Variants in NCLN observed in about 807,000 individuals in gnomAD.
NCLN encodes nicalin.
A neutral mutation model predicts 69.5 loss-of-function variants in NCLN; 34 were observed. The observed-to-expected ratio is 0.49, with a 90% CI of 0.37 to 0.65. The LOEUF (loss-of-function observed/expected upper bound fraction) is 0.65, where lower values mean the gene tolerates loss of function less well. NCLN is among the 30% of genes least tolerant of loss of function. NCLN has a pLI of 0.00. For synonymous variants in NCLN, 393 were observed against 358.3 expected (o/e 1.10, Z -1.09); for missense variants, 710 against 804.8 (o/e 0.88, Z 1.42).
chr19:3,187,110 A>C (rs1445445115), intron 1 of NCLN, among the ~76,000 whole-genome samples: 1 of 151,490 alleles, frequency 6.6e-6, no homozygotes, highest in Non-Finnish European at 1.5e-5. Flanking sequence ...ACTTCCCAGA[A>C]CCCCACTTGT....
At chr19:3,203,892 G>T in intron 7 of NCLN, 48 bp downstream of exon 7, 1 of 1,595,110 alleles carries the variant, frequency 6.3e-7, no homozygotes, top group Non-Finnish European at 8.5e-7. Context: ...GTGGTGCCGT[G>T]GGGAGGCACG....
chr19:3,189,688 G>A (rs760249647), intron 1 of NCLN, among the ~76,000 whole-genome samples: 3 of 152,230 alleles, frequency 2.0e-5, no homozygotes, highest in Non-Finnish European at 2.9e-5. Flanking sequence ...TTTCGCCTCC[G>A]CAGAGGGCCG....
chr19:3,190,796 T>C (rs992445988), intron 1 of NCLN, among the ~76,000 whole-genome samples: 9 of 152,216 alleles, frequency 5.9e-5, no homozygotes, highest in Non-Finnish European at 8.8e-5. Flanking sequence ...TTGCGGGCTT[T>C]GCGTGGCATT....
chr19:3,198,272 C>T (rs900290858), intron 4 of NCLN, among the ~76,000 whole-genome samples: 54 of 152,070 alleles, frequency 3.6e-4, no homozygotes, highest in African/African-American at 1.2e-3. Context: ...TTTGGGAGGC[C>T]GAGGTGGGCG....
intron 1 of NCLN, among the ~76,000 whole-genome samples, chr19:3,189,373 C>G (rs1342707894): frequency 6.6e-6 from 1 of 152,262 alleles, no homozygotes; most frequent in Non-Finnish European, 1.5e-5. Flanking sequence ...ACGTCTGGCT[C>G]TCTGCCTGTT....
chr19:3,191,048 C>G (rs935972944), intron 1 of NCLN, among the ~76,000 whole-genome samples: 1 of 145,292 alleles, frequency 6.9e-6, no homozygotes, highest in Non-Finnish European at 1.5e-5. Context: ...GCGTGGCGGG[C>G]AGCAGGGAGA....
chr19:3,196,192 G>T lies in NCLN; in HGVS notation c.530G>T (p.Arg177Leu). The change falls in exon 4 of 15, where the codon CGC becomes CTC. Residue 177 changes from arginine to leucine, a missense_variant. Physicochemically the swap from Arg to Leu is moderately radical, Grantham distance 102 (BLOSUM62 -2). Coordinates refer to ENST00000246117, the MANE Select transcript of NCLN (RefSeq NM_020170.4). ...GSASAAEVLL[R>L]TATANGFQMV... ...CTCTCCCTCTCCCTAGTACTGCTGCGCACGGCCACTGCCAACGGCTTCCAG... is the reference window on the plus strand; with the variant it reads ...CTCTCCCTCTCCCTAGTACTGCTGCTCACGGCCACTGCCAACGGCTTCCAG... The T allele has an allele frequency of 6.4e-7, 1 of 1,552,318 alleles. No homozygotes were observed. Among genetic ancestry groups the T allele is most frequent in the Non-Finnish European group, 8.7e-7 (1 of 1,147,328 alleles).
At chr19:3,186,824 C>G (rs1029751532) in intron 1 of NCLN, among the ~76,000 whole-genome samples, 1 of 152,098 alleles carries the variant, frequency 6.6e-6, no homozygotes, top group Non-Finnish European at 1.5e-5. Context: ...TCCCACGGCC[C>G]TGGGTGCCAA....
chr19:3,201,443 T>C (rs893628550), intron 5 of NCLN, 80 bp from the exon 6 acceptor site: 2 of 974,596 alleles, frequency 2.1e-6, no homozygotes, highest in Admixed American at 2.1e-5. Context: ...GAGAGATGAC[T>C]GTGGCTGCTG....
At chr19:3,202,256 T>C (rs928936823) in intron 6 of NCLN, among the ~76,000 whole-genome samples, 3 of 152,294 alleles carry the variant, frequency 2.0e-5, no homozygotes, top group East Asian at 1.9e-4. Context: ...GGGGTCCCCC[T>C]GGTTTATCCC....
At chr19:3,186,376 C>T (rs1025774999) in intron 1 of NCLN, among the ~76,000 whole-genome samples, 162 bp downstream of exon 1, 1 of 152,110 alleles carries the variant, frequency 6.6e-6, no homozygotes, top group African/African-American at 2.4e-5. Flanking sequence ...CCCGGGCGCC[C>T]TGGAATCCCT....
chr19:3,206,247 C>A lies in NCLN; in HGVS notation c.1336-15C>A. 12 of 1,541,096 alleles carry A rather than the reference C, an allele frequency of 7.8e-6. No individual in the cohort carries two copies. The highest frequency in any genetic ancestry group is 1.0e-5 in the Non-Finnish European group (12 of 1,142,920). On this transcript the variant is annotated splice_polypyrimidine_tract_variant and intron_variant, in intron 11 of 14. Transcript: ENST00000246117. ...GGGCGGGGCCAGGCCATGACTACCACCACCGTCCCTACAGCAGATCCAGCA... is the reference window on the plus strand; with the variant it reads ...GGGCGGGGCCAGGCCATGACTACCAACACCGTCCCTACAGCAGATCCAGCA...
intron 1 of NCLN, 29 bp from the exon 2 acceptor site, chr19:3,192,441 G>C: frequency 2.6e-6 from 4 of 1,548,044 alleles, no homozygotes; most frequent in Non-Finnish European, 3.5e-6. Flanking sequence ...CACCCGCCGA[G>C]GCTCACGACC....
intron 2 of NCLN, among the ~76,000 whole-genome samples, 158 bp from the exon 3 acceptor site, chr19:3,193,126 G>T: frequency 6.9e-6 from 1 of 144,850 alleles, no homozygotes; most frequent in African/African-American, 2.6e-5. Context: ...CTGAGGGCCT[G>T]CCTGCCCTCC....
chr19:3,192,810 G>A (rs1003295728), intron 2 of NCLN, 150 bp downstream of exon 2: 64 of 801,886 alleles, frequency 8.0e-5, no homozygotes, highest in African/African-American at 5.4e-5. Flanking sequence ...TCTCCAAGGG[G>A]TGATTCTGTC....
At chr19:3,191,028 TCGTCGTGGTGCGTGG>T (rs1568309741) in intron 1 of NCLN, among the ~76,000 whole-genome samples, 13 of 145,304 alleles carry the variant, frequency 8.9e-5, no homozygotes, top group African/African-American at 3.1e-4. Context: ...AGCAGGGAGA[TCGTCGTGGTGCGTGG>T]CGGGCAGCAG....
intron 3 of NCLN, among the ~76,000 whole-genome samples, chr19:3,195,916 T>C (rs948211874): frequency 2.0e-5 from 3 of 152,166 alleles, no homozygotes; most frequent in African/African-American, 7.2e-5. Flanking sequence ...ACAGCTGTTA[T>C]TGAGGGCCCG....
rs1916306692 is a variant in NCLN at position 3,207,622 on chromosome 19, T to C, written c.1633-7T>C. Reference sequence around the variant, plus strand: ...CACATCCTCACTCCCTCCTGCTGTGTCCCCAGCACTTCAGCCTCCTCTACA... The same window carrying C: ...CACATCCTCACTCCCTCCTGCTGTGCCCCCAGCACTTCAGCCTCCTCTACA... On this transcript the variant is annotated splice_region_variant and splice_polypyrimidine_tract_variant and intron_variant, in intron 14 of 14. Coordinates refer to ENST00000246117, the MANE Select transcript of NCLN (RefSeq NM_020170.4). 1 of 1,612,746 alleles carries C rather than the reference T, an allele frequency of 6.2e-7. No homozygotes were observed. The highest frequency in any genetic ancestry group is 8.5e-7 in the Non-Finnish European group (1 of 1,179,864).
chr19:3,188,627 C>T (rs1915731662), intron 1 of NCLN, among the ~76,000 whole-genome samples: 1 of 152,214 alleles, frequency 6.6e-6, no homozygotes, highest in African/African-American at 2.4e-5. Flanking sequence ...GTCTTCTTTT[C>T]ACTGGCCTCC....
Sources: gnomAD v4.1 joint callset for allele counts (sites outside exome capture counted in the v4.1 genomes callset) on GRCh38, gnomAD v4.1.1 for gene constraint, MANE v1.5 for transcripts, NCBI Gene and HGNC (gene_info 2026-07-23, HGNC 2026-07-21) for gene names.